The following MGAT5B variants were observed in gnomAD, a reference collection of about 807,000 sequenced individuals.
MGAT5B encodes the protein alpha-1,6-mannosylglycoprotein 6-beta-N-acetylglucosaminyltransferase B, also known as N-acetylglucosaminyl-transferase Vb.
MGAT5B carries 54 observed loss-of-function variants against 95.1 expected under a neutral mutation model. The ratio of observed to expected loss-of-function variants is 0.57; its 90% CI spans 0.46 to 0.71. The LOEUF (loss-of-function observed/expected upper bound fraction) is 0.71. Among genes scored for constraint, MGAT5B ranks in the 30% least tolerant of loss-of-function variants. The probability of loss-of-function intolerance (pLI) is 0.00; values close to 1 mark genes in which losing one functional copy is unlikely to be tolerated. For synonymous variants in MGAT5B, 464 were observed against 451.0 expected (o/e 1.03, Z -0.36); for missense variants, 935 against 1,088.6 (o/e 0.86, Z 1.99).
intron 8 of MGAT5B, among the ~76,000 whole-genome samples, chr17:76,907,297 C>T (rs534735614): frequency 7.9e-5 from 12 of 152,304 alleles, no homozygotes; most frequent in South Asian, 4.1e-4. Flanking sequence ...GTGATCCACC[C>T]GCCTCGGCCT....
At chr17:76,921,309 C>A (rs1037297914) in intron 8 of MGAT5B, among the ~76,000 whole-genome samples, 1 of 152,180 alleles carries the variant, frequency 6.6e-6, no homozygotes, top group Admixed American at 6.5e-5. Flanking sequence ...ATCTTAGTCG[C>A]ACACTGGTGA....
chr17:76,902,176 C>T (rs1402385750), intron 3 of MGAT5B, among the ~76,000 whole-genome samples: 1 of 152,094 alleles, frequency 6.6e-6, no homozygotes, highest in Non-Finnish European at 1.5e-5. Context: ...GCAGTTGTGG[C>T]CACATGAAGA....
intron 13 of MGAT5B, among the ~76,000 whole-genome samples, chr17:76,939,973 C>T (rs1025834347): frequency 6.6e-6 from 1 of 152,124 alleles, no homozygotes; most frequent in Non-Finnish European, 1.5e-5. Context: ...AATAGCCTCA[C>T]ACAAGTTAGA....
At chr17:76,897,215 T>G (rs982178654) in intron 3 of MGAT5B, among the ~76,000 whole-genome samples, 1 of 152,152 alleles carries the variant, frequency 6.6e-6, no homozygotes, top group Non-Finnish European at 1.5e-5. Flanking sequence ...CTGGGCCTGG[T>G]CCTGGACTCT....
chr17:76,933,323 C>T (rs1461197744), intron 12 of MGAT5B, 26 bp downstream of exon 12: 1 of 1,598,062 alleles, frequency 6.3e-7, no homozygotes, highest in Admixed American at 1.7e-5. Context: ...GCCGCCTGCC[C>T]CCTCTACCCT....
intron 2 of MGAT5B, 47 bp from the exon 3 acceptor site, chr17:76,882,104 C>A: frequency 1.9e-6 from 3 of 1,553,660 alleles, no homozygotes; most frequent in South Asian, 1.2e-5. Flanking sequence ...CAGGTGGCCT[C>A]CAGGCTGCTC....
chr17:76,946,434 C>A lies in MGAT5B; in HGVS notation c.1907C>A (p.Ala636Asp), dbSNP rs1203012932. 1 of 1,597,890 alleles carries A rather than the reference C, an allele frequency of 6.3e-7. No homozygotes were observed. Among genetic ancestry groups the A allele is most frequent in the Admixed American group, 1.7e-5 (1 of 58,642 alleles). Residue 636 changes from alanine (A) to aspartate (D), a missense_variant, in exon 16 of 18, where the codon GCC (alanine) becomes GAC (aspartate). By Grantham distance (126) the Ala-to-Asp change is moderately radical. Transcript: ENST00000569840. Reference sequence around the variant, plus strand: ...GAGGGGATGCTGGAGCGGATCCACGCCTACATCCAGCACCAGGTCAGTGAG... The same window carrying A: ...GAGGGGATGCTGGAGCGGATCCACGACTACATCCAGCACCAGGTCAGTGAG... ...TCEGMLERIH[A>D]YIQHQDFCRA...
At chr17:76,872,035 G>T (rs1304454186) in intron 1 of MGAT5B, among the ~76,000 whole-genome samples, 1 of 152,212 alleles carries the variant, frequency 6.6e-6, no homozygotes, top group African/African-American at 2.4e-5. Flanking sequence ...TTGAAGGCAG[G>T]AACAGGAGTC....
chr17:76,906,152 C>T lies in MGAT5B; in HGVS notation c.990C>T (p.Gly330=), dbSNP rs779969474. The T allele has an allele frequency of 1.9e-6, 3 of 1,606,074 alleles. No homozygotes were observed. The highest frequency in any genetic ancestry group is 2.2e-5 in the South Asian group (2 of 90,368). The change falls in exon 8 of 18, where the codon GGC becomes GGT. Residue 330 remains glycine, a synonymous_variant. Coordinates refer to ENST00000569840, the MANE Select transcript of MGAT5B (RefSeq NM_001199172.2). The surrounding 1 kb of genome is among the most constrained non-coding windows in gnomAD (Gnocchi z 4.6). ...ILTALYVLGH[G]LRVTVSLKEL... is the part of the protein sequence containing the mutation. The stretch of plus-strand genomic sequence containing the variant: ...CTGCACTCTATGTCCTGGGCCATGG[C>T]CTGCGGGTCACAGTCTCCCTGAAGG...
chr17:76,932,085 T>TCCTC lies in MGAT5B; in HGVS notation c.1292-558_1292-557insTCCC, dbSNP rs372913062. Among the ~76,000 whole-genome samples the TCCTC allele has an allele frequency of 3.5e-3, 428 of 121,948 alleles. 3 individuals carry two copies. The highest frequency in any genetic ancestry group is 0.024 in the Admixed American group (285 of 11,664). The allele number at this position is 121,948 out of a possible 152,430, so 80.0% of individuals were successfully genotyped here. On this transcript the variant is annotated intron_variant, in intron 10 of 17. Coordinates refer to ENST00000569840, the MANE Select transcript of MGAT5B (RefSeq NM_001199172.2). ...CCTTTTTTCCTCCTCCTCCTCCTCC[T>TCCTC]CCCCCCCCCCTTCTTCGTCTTTGTC...
At chr17:76,939,921 G>A (rs549182656) in intron 13 of MGAT5B, among the ~76,000 whole-genome samples, 13 of 152,186 alleles carry the variant, frequency 8.5e-5, no homozygotes, top group African/African-American at 2.9e-4. Context: ...CCAAGCCACC[G>A]TTAATGGGCA....
rs12603183 is a variant in MGAT5B, at chr17:76,916,871, G to A, written c.1026-8095G>A. 0.13 allele frequency among the ~76,000 whole-genome samples: 20,395 copies of A among 152,130 alleles called. 1,536 individuals are homozygous for A. Among genetic ancestry groups the A allele is most frequent in the East Asian group, 0.32 (1,653 of 5,150 alleles). The stretch of plus-strand genomic sequence containing the variant: ...AGTGGACGAGCTTCAGGAACCATCT[G>A]TCAGGGAGACTGGAAGGAGCCACCC... On this transcript the variant is annotated intron_variant, in intron 8 of 17. Transcript: ENST00000569840. This position sits in a 1 kb window ranked among gnomAD's most constrained non-coding sequence, Gnocchi z 5.3.
chr17:76,899,479 A>T (rs376959323), intron 3 of MGAT5B, among the ~76,000 whole-genome samples: 6 of 151,582 alleles, frequency 4.0e-5, no homozygotes, highest in Non-Finnish European at 5.9e-5. Context: ...ACAGAAAATT[A>T]AAAAAAAATT....
In MGAT5B at chr17:76,915,614, G is replaced by A. The variant is rs1412540011; in HGVS notation, c.1026-9352G>A. 1.3e-5 allele frequency among the ~76,000 whole-genome samples: 2 copies of A among 152,178 alleles called. No homozygotes were observed. The highest frequency in any genetic ancestry group is 2.9e-5 in the Non-Finnish European group (2 of 68,040). On this transcript the variant is annotated intron_variant, in intron 8 of 17. Coordinates refer to ENST00000569840, the MANE Select transcript of MGAT5B (RefSeq NM_001199172.2). The surrounding 1 kb of genome is among the most constrained non-coding windows in gnomAD (Gnocchi z 8.7). ...ATTATATGATTTTCTATAATTTTCT[G>A]GATGCTTGGAATATTTTGTAACTTA...
intron 3 of MGAT5B, among the ~76,000 whole-genome samples, chr17:76,897,731 CTTTT>C (rs59682650): frequency 0.21 from 17,864 of 84,130 alleles, 2,112 homozygotes; most frequent in African/African-American, 0.4. Flanking sequence ...CTTTCTTTTT[CTTTT>C]TTTTTTTTTT....
At chr17:76,890,528 G>A (rs1214068722) in intron 3 of MGAT5B, among the ~76,000 whole-genome samples, 2 of 152,132 alleles carry the variant, frequency 1.3e-5, no homozygotes, top group Admixed American at 6.5e-5. Context: ...TTTTGAGACA[G>A]GGTCTCCCTC....
chr17:76,903,175 G>A (rs563413539), intron 4 of MGAT5B, 128 bp from the exon 5 acceptor site: 7 of 710,716 alleles, frequency 9.8e-6, no homozygotes, highest in East Asian at 2.9e-5. Flanking sequence ...TGGGTTGTGC[G>A]GCTGATGAGC....
Position 76,930,033 on chromosome 17 carries a change from C to T in MGAT5B, c.1292-2612C>T, listed in dbSNP as rs1204118712. The stretch of plus-strand genomic sequence containing the variant: ...GAGGGGAGGGGAAGATGGTGCCGGA[C>T]AGGTAAACAGGGTCGGGCAGGGGCT... On this transcript the variant is annotated intron_variant, in intron 10 of 17. Transcript: ENST00000569840. The surrounding 1 kb of genome is among the most constrained non-coding windows in gnomAD (Gnocchi z 4.1). 6.6e-6 allele frequency among the ~76,000 whole-genome samples: 1 copy of T among 152,100 alleles called. No individual in the cohort carries two copies. The highest frequency in any genetic ancestry group is 2.1e-4 in the South Asian group (1 of 4,820).
rs995395044 is a variant in MGAT5B at position 76,906,485 on chromosome 17, G to A, written c.1025+298G>A. Among the ~76,000 whole-genome samples the A allele has an allele frequency of 6.6e-6, 1 of 152,210 alleles. No homozygotes were observed. Among genetic ancestry groups the A allele is most frequent in the Non-Finnish European group, 1.5e-5 (1 of 68,026 alleles). ...CTGACACGTGTTGGCTTGTGGAATT[G>A]AGCCACGTCTGCACGTGGGGTCCCC... On this transcript the variant is annotated intron_variant, in intron 8 of 17. Coordinates refer to ENST00000569840, the MANE Select transcript of MGAT5B (RefSeq NM_001199172.2). This position sits in a 1 kb window ranked among gnomAD's most constrained non-coding sequence, Gnocchi z 4.6.
Sources: gnomAD v4.1 joint callset for allele counts (sites outside exome capture counted in the v4.1 genomes callset) on GRCh38, gnomAD v4.1.1 for gene constraint, Gnocchi (gnomAD v3.1) non-coding constraint, MANE v1.5 for transcripts, NCBI Gene and HGNC (gene_info 2026-07-23, HGNC 2026-07-21) for gene names.